PDE4D: variants seen among roughly 807,000 people sequenced by gnomAD.
The protein encoded by PDE4D is phosphodiesterase 4D.
PDE4D carries 24 observed loss-of-function variants against 87.4 expected under a neutral mutation model. The ratio of observed to expected loss-of-function variants is 0.27; its 90% confidence interval spans 0.20 to 0.39. The LOEUF (loss-of-function observed/expected upper bound fraction) is 0.39. Among genes scored for constraint, PDE4D ranks in the 10% least tolerant of loss-of-function variants. The pLI, the probability that PDE4D is intolerant of heterozygous loss-of-function variation, is 1.00. For missense variants in PDE4D, 714 were observed against 1,041.0 expected (o/e 0.69, Z 4.32); for synonymous variants, 384 against 383.2 (o/e 1.00, Z -0.02).
At chr5:59,453,637 T>C (rs1028345739) in intron 1 of PDE4D, among the ~76,000 whole-genome samples, 3 of 152,190 alleles carry the variant, frequency 2.0e-5, no homozygotes, top group Admixed American at 1.3e-4. Context: ...GAACAAGGCC[T>C]TAACTCTCTT....
chr5:60,338,453 C>T (rs1019026633), intron 1 of PDE4D, among the ~76,000 whole-genome samples: 1 of 152,202 alleles, frequency 6.6e-6, no homozygotes, highest in Non-Finnish European at 1.5e-5. Flanking sequence ...TTCTAACAGC[C>T]TCTTGACCTT....
intron 1 of PDE4D, among the ~76,000 whole-genome samples, chr5:59,457,584 T>A (rs1327784796): frequency 6.6e-6 from 1 of 152,174 alleles, no homozygotes; most frequent in Non-Finnish European, 1.5e-5. Context: ...CACAATACCA[T>A]TGTTCACATT....
At chr5:59,712,061 G>A (rs1017340971) in intron 1 of PDE4D, among the ~76,000 whole-genome samples, 1 of 151,980 alleles carries the variant, frequency 6.6e-6, no homozygotes, top group Non-Finnish European at 1.5e-5. Context: ...GACTTCTGAT[G>A]CATGGACCTG....
At chr5:60,510,288 G>A (rs1437342738) in intron 1 of PDE4D, among the ~76,000 whole-genome samples, 1 of 152,138 alleles carries the variant, frequency 6.6e-6, no homozygotes, top group Non-Finnish European at 1.5e-5. Flanking sequence ...CTGAAAGACA[G>A]GGCAGGCAGC....
At chr5:59,056,412 G>T (rs1271922694) in intron 5 of PDE4D, among the ~76,000 whole-genome samples, 1 of 152,012 alleles carries the variant, frequency 6.6e-6, no homozygotes, top group Non-Finnish European at 1.5e-5. Flanking sequence ...TGTTTAAAAA[G>T]GAGTTTTTTT....
At chr5:59,100,283 C>A (rs535179005) in intron 5 of PDE4D, among the ~76,000 whole-genome samples, 1 of 152,168 alleles carries the variant, frequency 6.6e-6, no homozygotes, top group South Asian at 2.1e-4. Context: ...TATTCCTTGC[C>A]ATTTCCTCTG....
At chr5:59,260,548 A>T (rs1167548777) in intron 1 of PDE4D, among the ~76,000 whole-genome samples, 1 of 151,866 alleles carries the variant, frequency 6.6e-6, no homozygotes, top group Non-Finnish European at 1.5e-5. Flanking sequence ...ATCTTATTGA[A>T]GTAAGTTAGC....
At chr5:59,009,881 C>T (rs1752414551) in intron 6 of PDE4D, among the ~76,000 whole-genome samples, 1 of 152,088 alleles carries the variant, frequency 6.6e-6, no homozygotes, top group Non-Finnish European at 1.5e-5. Context: ...AAATGCAAAA[C>T]AAAAACCTCA....
At chr5:59,902,873 T>C (rs1752420503) in intron 3 of PDE4D, among the ~76,000 whole-genome samples, 1 of 152,182 alleles carries the variant, frequency 6.6e-6, no homozygotes, top group African/African-American at 2.4e-5. Context: ...TAGCACAAAA[T>C]TTGGGGAACC....
intron 1 of PDE4D, among the ~76,000 whole-genome samples, chr5:59,591,268 C>T (rs565703329): frequency 4.1e-4 from 62 of 152,248 alleles, no homozygotes; most frequent in Non-Finnish European, 6.6e-4. Context: ...TCTTAAAATG[C>T]CTTCAACTTA....
At chr5:59,795,152 T>C (rs2152655207) in intron 1 of PDE4D, among the ~76,000 whole-genome samples, 1 of 152,310 alleles carries the variant, frequency 6.6e-6, no homozygotes, top group Admixed American at 6.5e-5. Context: ...TCACAGAGGG[T>C]AAAGTCAATG....
chr5:60,444,149 T>C (rs112880734), intron 1 of PDE4D, among the ~76,000 whole-genome samples: 1 of 152,172 alleles, frequency 6.6e-6, no homozygotes, highest in African/African-American at 2.4e-5. Context: ...GAACTTCAAA[T>C]GTGGTTTCTT....
At chr5:59,920,446 T>C (rs1561861963) in intron 3 of PDE4D, among the ~76,000 whole-genome samples, 1 of 152,216 alleles carries the variant, frequency 6.6e-6, no homozygotes, top group Non-Finnish European at 1.5e-5. Flanking sequence ...GGCTTTGTGG[T>C]ATTTTATATT....
At chr5:60,443,416 C>T (rs1472977299) in intron 1 of PDE4D, among the ~76,000 whole-genome samples, 1 of 151,994 alleles carries the variant, frequency 6.6e-6, no homozygotes, top group Non-Finnish European at 1.5e-5. Context: ...GGTAAATGGA[C>T]AATGAGAGAT....
chr5:59,864,180 A>G (rs558374758), intron 1 of PDE4D, among the ~76,000 whole-genome samples: 1 of 152,296 alleles, frequency 6.6e-6, no homozygotes, highest in Non-Finnish European at 1.5e-5. Context: ...TAGATGTCTT[A>G]GATGAAACCC....
chr5:59,955,805 A>G (rs973546076), intron 3 of PDE4D, among the ~76,000 whole-genome samples: 2 of 152,040 alleles, frequency 1.3e-5, no homozygotes, highest in Admixed American at 1.3e-4. Flanking sequence ...TCTTCTTTCA[A>G]TCAGATCTCC....
intron 1 of PDE4D, among the ~76,000 whole-genome samples, chr5:60,508,781 A>G (rs1750431384): frequency 6.6e-6 from 1 of 152,188 alleles, no homozygotes; most frequent in Non-Finnish European, 1.5e-5. Context: ...TTTAATATAT[A>G]TTGTTAATTC....
rs113348288 is a variant in PDE4D at position 60,215,778 on chromosome 5, C to T, written c.-89-30091G>A. On this transcript the variant is annotated intron_variant, in intron 1 of 16. Coordinates refer to the PDE4D transcript ENST00000502484. The stretch of plus-strand genomic sequence containing the variant: ...CCCAGCAATCTATATCTTAACCAGC[C>T]GTCCAGATGATTTGTACACATGTTA... 1.5e-3 allele frequency among the ~76,000 whole-genome samples: 229 copies of T among 152,134 alleles called. 2 individuals are homozygous for T. The highest frequency in any genetic ancestry group is 5.3e-3 in the African/African-American group (219 of 41,510).
At chr5:59,948,374 T>C (rs1167400176) in intron 3 of PDE4D, among the ~76,000 whole-genome samples, 1 of 152,198 alleles carries the variant, frequency 6.6e-6, no homozygotes, top group Non-Finnish European at 1.5e-5. Context: ...AAAGCATAGG[T>C]ATATTAAATT....
Sources: allele counts gnomAD v4.1 joint callset (sites outside exome capture counted in the v4.1 genomes callset), GRCh38; gene constraint gnomAD v4.1.1; transcripts MANE v1.5; gene names NCBI Gene and HGNC (gene_info 2026-07-23, HGNC 2026-07-21).